Variants in DDX31 observed in about 807,000 individuals in gnomAD.
The protein encoded by DDX31 is ATP-dependent DNA helicase DDX31.
Under a neutral mutation model 91.3 loss-of-function variants are expected in DDX31, and 70 were observed. That is an observed-to-expected ratio of 0.77 (90% CI 0.63 to 0.94). The LOEUF (loss-of-function observed/expected upper bound fraction) is 0.94. Ranked by LOEUF, DDX31 falls within the 40% of genes least tolerant of loss-of-function variation. The pLI is 0.00. For missense variants in DDX31, 902 were observed against 925.0 expected, an observed-to-expected ratio of 0.98 and a Z score of 0.32; for synonymous variants, 362 against 350.6, an observed-to-expected ratio of 1.03 and a Z score of -0.36.
intron 19 of DDX31, among the ~76,000 whole-genome samples, chr9:132,599,907 A>C (rs1936727299): frequency 6.6e-6 from 1 of 152,264 alleles, no homozygotes; most frequent in South Asian, 2.1e-4. Context: ...GGAGACCGTG[A>C]GGACTTCAGG....
chr9:132,610,762 A>AC (rs1460819803), intron 19 of DDX31, among the ~76,000 whole-genome samples: 3 of 151,996 alleles, frequency 2.0e-5, no homozygotes, highest in Non-Finnish European at 4.4e-5. Context: ...CCTGATTTTG[A>AC]TTCTCAAGAC....
At chr9:132,626,790 T>C (rs1276341391) in intron 16 of DDX31, among the ~76,000 whole-genome samples, 1 of 152,100 alleles carries the variant, frequency 6.6e-6, no homozygotes, top group Non-Finnish European at 1.5e-5. Flanking sequence ...ACCTGAAATG[T>C]GTCATCTCCC....
intron 6 of DDX31, among the ~76,000 whole-genome samples, chr9:132,654,150 A>T (rs1251317415): frequency 6.6e-6 from 1 of 152,246 alleles, no homozygotes; most frequent in African/African-American, 2.4e-5. Flanking sequence ...TAAAACACTG[A>T]TACGTTTTAT....
intron 11 of DDX31, among the ~76,000 whole-genome samples, chr9:132,647,712 A>G (rs183253876): frequency 6.6e-6 from 1 of 152,312 alleles, no homozygotes; most frequent in African/African-American, 2.4e-5. Flanking sequence ...TCGTGTTCCC[A>G]GTGATAAAAA....
At chr9:132,609,553 A>C (rs1267720065) in intron 19 of DDX31, among the ~76,000 whole-genome samples, 1 of 152,226 alleles carries the variant, frequency 6.6e-6, no homozygotes, top group Non-Finnish European at 1.5e-5. Context: ...AAGGGAGATC[A>C]TCTGCTAACT....
chr9:132,652,716 G>A (rs907165614), intron 6 of DDX31, among the ~76,000 whole-genome samples: 1 of 152,068 alleles, frequency 6.6e-6, no homozygotes, highest in Admixed American at 6.5e-5. Context: ...GAAGGGCAGG[G>A]GGGCAGGAGT....
In DDX31 at chr9:132,668,025, G is replaced by A. The variant is rs368018854; in HGVS notation, c.75+1835C>T. 1.9e-4 allele frequency among the ~76,000 whole-genome samples: 29 copies of A among 152,234 alleles called. 1 individual carries two copies. The South Asian group carries it at 2.5e-3, about 13-fold the overall frequency. Reference sequence around the variant, plus strand: ...AGGTCACAGAGCTAGTGTGCAGCAAGGGCAGCATCCGAATCCCAAGTGTAT... The same window carrying A: ...AGGTCACAGAGCTAGTGTGCAGCAAAGGCAGCATCCGAATCCCAAGTGTAT... On this transcript the variant is annotated intron_variant, in intron 1 of 19. Transcript: ENST00000372159.
intron 16 of DDX31, among the ~76,000 whole-genome samples, chr9:132,626,254 C>T (rs143088919): frequency 6.6e-6 from 1 of 152,330 alleles, no homozygotes; most frequent in African/African-American, 2.4e-5. Flanking sequence ...GGCCTTTCTT[C>T]TTCTACCCTG....
intron 18 of DDX31, among the ~76,000 whole-genome samples, chr9:132,613,930 C>T (rs1295043111): frequency 1.3e-5 from 2 of 152,196 alleles, no homozygotes; most frequent in African/African-American, 2.4e-5. Context: ...AAACACTCCC[C>T]GCCATCCCTG....
intron 17 of DDX31, among the ~76,000 whole-genome samples, chr9:132,619,533 G>T (rs1464216304): frequency 6.6e-6 from 1 of 152,124 alleles, no homozygotes; most frequent in Non-Finnish European, 1.5e-5. Context: ...AGAACAAAGG[G>T]GAGGAAAGAA....
chr9:132,668,599 G>A (rs1256795209), intron 1 of DDX31, among the ~76,000 whole-genome samples: 28 of 144,038 alleles, frequency 1.9e-4, no homozygotes, highest in Non-Finnish European at 3.7e-4. Flanking sequence ...ACGGAGTCTC[G>A]TTCTGTTGCC....
chr9:132,651,180 A>C (rs1219906380), intron 7 of DDX31, 64 bp from the exon 8 acceptor site: 7 of 1,354,334 alleles, frequency 5.2e-6, no homozygotes, highest in Non-Finnish European at 6.2e-6. Flanking sequence ...TTTAAAGACA[A>C]TTTAATGTGA....
intron 14 of DDX31, among the ~76,000 whole-genome samples, 161 bp from the exon 15 acceptor site, chr9:132,632,252 A>ACACACACACACACACAGTCCTG (rs1832805547): frequency 3.1e-5 from 3 of 95,776 alleles, no homozygotes; most frequent in African/African-American, 7.6e-5. Flanking sequence ...ACACACACAC[A>ACACACACACACACACAGTCCTG]CACACACACA....
intron 17 of DDX31, among the ~76,000 whole-genome samples, chr9:132,621,887 G>A (rs556821563): frequency 2.6e-5 from 4 of 151,400 alleles, no homozygotes; most frequent in Non-Finnish European, 5.9e-5. Flanking sequence ...ACTTGGCTCA[G>A]CAAGCCAGGT....
chr9:132,648,203 G>C lies in DDX31; in HGVS notation c.953C>G (p.Ala318Gly), dbSNP rs1256461273. Residue 318 changes from alanine to glycine, a missense_variant, in exon 11 of 20, where the codon GCG (alanine) becomes GGG (glycine). Physicochemically the swap from Ala to Gly is moderately conservative, Grantham distance 60. Transcript: ENST00000372159. ...CQKRQNVLLS[A>G]TLTEGVTRLA... The stretch of plus-strand genomic sequence containing the variant: ...TTTCAACTCACCTTCTGTGAGTGTC[G>C]CTGATAGCAAGACATTCTGTCGTTT... 1.2e-6 allele frequency: 2 copies of C among 1,613,180 alleles called. No homozygotes were observed. The highest frequency in any genetic ancestry group is 1.7e-6 in the Non-Finnish European group (2 of 1,179,696).
At chr9:132,626,165 G>C (rs1832379361) in intron 16 of DDX31, among the ~76,000 whole-genome samples, 2 of 151,808 alleles carry the variant, frequency 1.3e-5, no homozygotes, top group Admixed American at 1.3e-4. Context: ...GGAAGAAAAG[G>C]GTGGCCAAAC....
intron 4 of DDX31, 151 bp downstream of exon 4, chr9:132,661,057 T>G: frequency 2.9e-6 from 2 of 689,328 alleles, no homozygotes; most frequent in South Asian, 3.3e-5. Context: ...AGAGAATGAG[T>G]AGCTAAGTGA....
intron 3 of DDX31, among the ~76,000 whole-genome samples, chr9:132,661,615 C>T (rs1487873602): frequency 1.3e-5 from 2 of 152,152 alleles, no homozygotes; most frequent in Non-Finnish European, 2.9e-5. Context: ...CCCTGATCCA[C>T]CCCCCAGGTG....
chr9:132,630,188 G>T (rs991194362), intron 16 of DDX31, 76 bp downstream of exon 16: 8 of 1,462,978 alleles, frequency 5.5e-6, no homozygotes, highest in South Asian at 2.9e-5. Flanking sequence ...AGCTTACAAG[G>T]CCCATTCACT....
Sources: gnomAD v4.1 joint callset for allele counts (sites outside exome capture counted in the v4.1 genomes callset) on GRCh38, gnomAD v4.1.1 for gene constraint, MANE v1.5 for transcripts, NCBI Gene and HGNC (gene_info 2026-07-23, HGNC 2026-07-21) for gene names.